The following CHD2 variants were observed in gnomAD, a reference collection of about 807,000 sequenced individuals.
CHD2 encodes chromodomain helicase DNA binding protein 2.
CHD2 carries 28 observed loss-of-function variants against 243.9 expected under a neutral mutation model. That is an observed-to-expected ratio of 0.11 (90% confidence interval 0.09 to 0.16). The LOEUF is 0.16. CHD2 is among the 10% of genes least tolerant of loss of function. The pLI, the probability that CHD2 is intolerant of heterozygous loss-of-function variation, is 1.00. For synonymous variants in CHD2, 775 were observed against 779.0 expected (o/e 0.99, Z 0.09); for missense variants, 1,386 against 2,209.8 (o/e 0.63, Z 7.47).
chr15:92,949,822 A>G (rs2053528533), intron 13 of CHD2, among the ~76,000 whole-genome samples: 1 of 152,226 alleles, frequency 6.6e-6, no homozygotes, highest in Non-Finnish European at 1.5e-5. Flanking sequence ...TTCTGCAGAA[A>G]GGGTGCTTCT....
intron 16 of CHD2, among the ~76,000 whole-genome samples, chr15:92,960,703 G>GGGTTT (rs2053673711): frequency 1.3e-5 from 1 of 78,556 alleles, no homozygotes; most frequent in Non-Finnish European, 3.2e-5. Context: ...CATCTGTTTG[G>GGGTTT]TGTTTTTTTT....
At chr15:92,920,753 A>G (rs1004103693) in intron 2 of CHD2, among the ~76,000 whole-genome samples, 1 of 152,232 alleles carries the variant, frequency 6.6e-6, no homozygotes, top group Non-Finnish European at 1.5e-5. Flanking sequence ...GTTAAACATT[A>G]TAGTAGTTGA....
intron 37 of CHD2, among the ~76,000 whole-genome samples, chr15:93,016,598 T>A (rs932953904): frequency 6.6e-6 from 1 of 151,830 alleles, no homozygotes; most frequent in African/African-American, 2.4e-5. Context: ...ATTTGTACAG[T>A]CTGGGCAACA....
chr15:92,957,772 G>A (rs1396222824), intron 16 of CHD2, among the ~76,000 whole-genome samples: 1 of 151,140 alleles, frequency 6.6e-6, no homozygotes, highest in Non-Finnish European at 1.5e-5. Context: ...TCCAGTTTTG[G>A]AACATTTTCC....
chr15:92,938,001 A>G (rs548018108), intron 6 of CHD2, among the ~76,000 whole-genome samples: 4 of 152,354 alleles, frequency 2.6e-5, no homozygotes, highest in African/African-American at 7.2e-5. Context: ...GATTGTGTAG[A>G]GAAGGAGGTA....
At chr15:92,937,484 GA>G (rs2053285558) in intron 5 of CHD2, 33 bp from the exon 6 acceptor site, 2 of 1,494,090 alleles carry the variant, frequency 1.3e-6, no homozygotes, top group Non-Finnish European at 9.1e-7. Flanking sequence ...GATTCTTTTA[GA>G]AAAAAATTAC....
chr15:93,008,922 G>C (rs2054356267), intron 34 of CHD2, among the ~76,000 whole-genome samples: 1 of 152,186 alleles, frequency 6.6e-6, no homozygotes, highest in South Asian at 2.1e-4. Flanking sequence ...AGTAAGGCGT[G>C]AAGGGTTATC....
intron 16 of CHD2, among the ~76,000 whole-genome samples, chr15:92,966,770 G>A (rs1432032070): frequency 6.6e-6 from 1 of 152,048 alleles, no homozygotes; most frequent in East Asian, 1.9e-4. Flanking sequence ...AATTAGTTGG[G>A]TGTGGTGGTG....
chr15:92,933,004 A>G (rs949027536), intron 5 of CHD2, among the ~76,000 whole-genome samples: 9 of 149,730 alleles, frequency 6.0e-5, no homozygotes, highest in Non-Finnish European at 1.3e-4. Flanking sequence ...CAGCCTCCCT[A>G]AGTGCTGGGC....
chr15:93,000,588 A>G lies in CHD2; in HGVS notation c.4085A>G (p.Glu1362Gly). The G allele has an allele frequency of 6.2e-7, 1 of 1,613,864 alleles. No individual in the cohort carries two copies. Among genetic ancestry groups the G allele is most frequent in the Non-Finnish European group, 8.5e-7 (1 of 1,179,802 alleles). The change falls in exon 32 of 39, where the codon GAG (glutamate) becomes GGG (glycine). Residue 1362 changes from glutamate (E) to glycine (G), a missense_variant. Physicochemically the swap from Glu to Gly is moderately conservative, Grantham distance 98. Around this residue, in one of 19 missense-constraint regions of CHD2, gnomAD observed 125 missense variants for 128.9 expected, o/e 0.97. Transcript: ENST00000394196. ...VPRLKEEHGI[E>G]LSSPRHSDNP... ...AGGCTGAAAGAGGAGCATGGAATTGAGCTTTCATCTCCTAGGCATTCAGAT... is the reference window on the plus strand; with the variant it reads ...AGGCTGAAAGAGGAGCATGGAATTGGGCTTTCATCTCCTAGGCATTCAGAT...
intron 34 of CHD2, among the ~76,000 whole-genome samples, chr15:93,006,775 G>A (rs894180043): frequency 1.3e-5 from 2 of 152,158 alleles, no homozygotes; most frequent in African/African-American, 4.8e-5. Context: ...CAACATAGAG[G>A]ATTGATTTCC....
At chr15:93,020,702 G>A in intron 38 of CHD2, 1 of 233,240 alleles carries the variant, frequency 4.3e-6, no homozygotes, top group East Asian at 9.0e-5. Flanking sequence ...GTAGTACGAT[G>A]AGCCGAAGCT....
intron 7 of CHD2, among the ~76,000 whole-genome samples, chr15:92,940,783 A>T (rs866222878): frequency 7.0e-6 from 1 of 141,936 alleles, no homozygotes; most frequent in Non-Finnish European, 1.5e-5. Flanking sequence ...AAAAAATATA[A>T]AAAATATATA....
At chr15:93,013,760 C>T (rs939903755) in intron 36 of CHD2, among the ~76,000 whole-genome samples, 1 of 151,764 alleles carries the variant, frequency 6.6e-6, no homozygotes, top group Non-Finnish European at 1.5e-5. Context: ...CGTGATGAAG[C>T]CTCATCTCTA....
At chr15:92,933,261 A>G (rs1167223324) in intron 5 of CHD2, among the ~76,000 whole-genome samples, 2 of 152,208 alleles carry the variant, frequency 1.3e-5, no homozygotes, top group Non-Finnish European at 2.9e-5. Flanking sequence ...CCTGCACAAT[A>G]TTTAAAATAT....
chr15:93,015,371 G>A (rs1258157531), intron 37 of CHD2, among the ~76,000 whole-genome samples: 6 of 152,274 alleles, frequency 3.9e-5, no homozygotes, highest in East Asian at 3.9e-4. Context: ...GAACCACTGC[G>A]TCTGGCCCCC....
intron 16 of CHD2, among the ~76,000 whole-genome samples, chr15:92,959,556 A>T (rs2053658725): frequency 1.3e-5 from 2 of 152,058 alleles, no homozygotes; most frequent in Admixed American, 1.3e-4. Context: ...AAGTGGCGCA[A>T]TCTCAGCTCA....
chr15:92,978,031 A>G (rs2141842942), intron 20 of CHD2: 1 of 589,526 alleles, frequency 1.7e-6, no homozygotes, highest in Non-Finnish European at 3.0e-6. Context: ...ACTCCTGTTC[A>G]TGGCACTGAC....
intron 20 of CHD2, among the ~76,000 whole-genome samples, chr15:92,975,196 T>C (rs912724501): frequency 2.6e-5 from 4 of 152,162 alleles, no homozygotes; most frequent in African/African-American, 9.7e-5. Context: ...AGCTTCCAGA[T>C]ACCAAATCCT....
Sources: gnomAD v4.1 joint callset for allele counts (sites outside exome capture counted in the v4.1 genomes callset) on GRCh38, gnomAD v4.1.1 for gene constraint, gnomAD v4.1.1 regional missense constraint, MANE v1.5 for transcripts, NCBI Gene and HGNC (gene_info 2026-07-23, HGNC 2026-07-21) for gene names.